ARHGAP10: variants seen among roughly 807,000 people sequenced by gnomAD.
The protein encoded by ARHGAP10 is rho GTPase-activating protein 10.
ARHGAP10 carries 87 observed loss-of-function variants against 108.6 expected under a neutral mutation model. The observed-to-expected ratio is 0.80, with a 90% CI of 0.67 to 0.96. The LOEUF is 0.96. ARHGAP10 is among the 40% of genes least tolerant of loss of function. The pLI, the probability that ARHGAP10 is intolerant of heterozygous loss-of-function variation, is 0.00. For missense variants in ARHGAP10, 939 were observed against 954.5 expected (o/e 0.98, Z 0.21); for synonymous variants, 347 against 341.1 (o/e 1.02, Z -0.19).
At chr4:148,019,777 C>A (rs906577377) in intron 18 of ARHGAP10, among the ~76,000 whole-genome samples, 30 of 149,078 alleles carry the variant, frequency 2.0e-4, no homozygotes, top group South Asian at 8.6e-4. Flanking sequence ...AAAAAAAAAA[C>A]AAAACAAAAA....
At chr4:147,866,473 A>G (rs1182260682) in intron 6 of ARHGAP10, 3 of 395,768 alleles carry the variant, frequency 7.6e-6, no homozygotes, top group Middle Eastern at 6.8e-4. Context: ...CCTGCAGAAC[A>G]TGCCATATAA....
intron 1 of ARHGAP10, among the ~76,000 whole-genome samples, chr4:147,737,068 C>G (rs1037929934): frequency 6.6e-6 from 1 of 152,120 alleles, no homozygotes; most frequent in Non-Finnish European, 1.5e-5. Context: ...CTTTGAATGT[C>G]TTGTTAAATG....
chr4:147,767,842 T>A (rs1180849159), intron 1 of ARHGAP10, among the ~76,000 whole-genome samples: 2 of 152,188 alleles, frequency 1.3e-5, no homozygotes, highest in Admixed American at 1.3e-4. Context: ...GGAGGACCAG[T>A]GAATAACATA....
At chr4:147,992,417 AT>A (rs1248014909) in intron 18 of ARHGAP10, among the ~76,000 whole-genome samples, 2 of 151,818 alleles carry the variant, frequency 1.3e-5, no homozygotes, top group African/African-American at 2.4e-5. Flanking sequence ...TTTAAATTTA[AT>A]TTTTTTTGTG....
At chr4:147,967,558 C>T (rs933206880) in intron 18 of ARHGAP10, among the ~76,000 whole-genome samples, 5 of 152,190 alleles carry the variant, frequency 3.3e-5, no homozygotes, top group Admixed American at 1.3e-4. Context: ...TCCCTCCCAC[C>T]ATACCCACTC....
chr4:148,051,392 G>A (rs1461056053), intron 20 of ARHGAP10, among the ~76,000 whole-genome samples: 1 of 152,210 alleles, frequency 6.6e-6, no homozygotes, highest in Non-Finnish European at 1.5e-5. Flanking sequence ...TTCTTCTATT[G>A]TAATTGATGG....
At position 148,072,776 on chromosome 4, in the gene ARHGAP10, A is replaced by G. The variant is rs1224836228; in HGVS notation, c.*695A>G. On this transcript the variant is annotated 3_prime_UTR_variant, in exon 23 of 23. Transcript: ENST00000336498. The stretch of plus-strand genomic sequence containing the variant: ...TAAATGAAATAAACTGTAATTTACT[A>G]TTTGATTTGTCTGTCCTAATGTGGG... 1 of 152,120 alleles carries G rather than the reference A, an allele frequency of 6.6e-6. No homozygotes were observed. The allele number at this position is 152,120 out of a possible 1,614,324, so 9.4% of individuals were successfully genotyped here.
At chr4:147,924,795 G>A (rs1737394643) in intron 13 of ARHGAP10, among the ~76,000 whole-genome samples, 1 of 152,162 alleles carries the variant, frequency 6.6e-6, no homozygotes, top group African/African-American at 2.4e-5. Context: ...ATAAGGATCA[G>A]ATCTCCTTCA....
chr4:148,057,202 G>C (rs751233359), intron 20 of ARHGAP10, among the ~76,000 whole-genome samples: 8 of 152,230 alleles, frequency 5.3e-5, no homozygotes, highest in Non-Finnish European at 1.2e-4. Flanking sequence ...AGCCAACAAT[G>C]ATAGTGCCAG....
intron 1 of ARHGAP10, among the ~76,000 whole-genome samples, chr4:147,767,281 T>C (rs1729873723): frequency 6.6e-6 from 1 of 152,138 alleles, no homozygotes; most frequent in African/African-American, 2.4e-5. Context: ...AGGACAAAGA[T>C]TGGTAAATAC....
chr4:147,879,842 A>C (rs1249809390), intron 9 of ARHGAP10, among the ~76,000 whole-genome samples: 1 of 152,164 alleles, frequency 6.6e-6, no homozygotes, highest in East Asian at 1.9e-4. Context: ...TTTTTATGCC[A>C]CTGTTTGGAA....
At chr4:147,897,561 T>C (rs978015963) in intron 10 of ARHGAP10, among the ~76,000 whole-genome samples, 1 of 152,306 alleles carries the variant, frequency 6.6e-6, no homozygotes, top group South Asian at 2.1e-4. Flanking sequence ...TGTCTCAGAG[T>C]ATAACATGCA....
At chr4:147,838,946 G>A (rs10461235) in intron 3 of ARHGAP10, among the ~76,000 whole-genome samples, 106,856 of 152,064 alleles carry the variant, frequency 0.7, 42,425 homozygotes, top group Non-Finnish European at 0.88. Flanking sequence ...GCTATTTTAG[G>A]CTAAGATTCC....
chr4:148,025,323 A>C (rs1196565192), intron 19 of ARHGAP10, among the ~76,000 whole-genome samples: 2 of 151,534 alleles, frequency 1.3e-5, no homozygotes, highest in Non-Finnish European at 2.9e-5. Flanking sequence ...GTATTTCATG[A>C]AGTATTTTAT....
At chr4:148,014,778 C>T (rs766846437) in intron 18 of ARHGAP10, among the ~76,000 whole-genome samples, 58 of 152,208 alleles carry the variant, frequency 3.8e-4, no homozygotes, top group South Asian at 2.9e-3. Context: ...CACTATTTAG[C>T]GTATAGAGTG....
intron 13 of ARHGAP10, among the ~76,000 whole-genome samples, chr4:147,931,822 A>G (rs1174075478): frequency 6.6e-6 from 1 of 152,266 alleles, no homozygotes; most frequent in African/African-American, 2.4e-5. Flanking sequence ...AAAAATTGAC[A>G]AATGGGATCT....
intron 20 of ARHGAP10, among the ~76,000 whole-genome samples, chr4:148,061,433 T>G (rs1434908795): frequency 1.3e-5 from 2 of 152,114 alleles, no homozygotes; most frequent in Non-Finnish European, 2.9e-5. Context: ...CCGTTCCTGA[T>G]TAGTAAGACA....
At chr4:147,866,926 T>G in intron 7 of ARHGAP10, 110 bp downstream of exon 7, 5 of 883,522 alleles carry the variant, frequency 5.7e-6, no homozygotes, top group Non-Finnish European at 8.6e-6. Flanking sequence ...CTGTTTGTAC[T>G]GAGAAACTGA....
chr4:147,744,444 T>G (rs1300261310), intron 1 of ARHGAP10, among the ~76,000 whole-genome samples: 1 of 151,722 alleles, frequency 6.6e-6, no homozygotes, highest in Non-Finnish European at 1.5e-5. Context: ...CTAAGGACAG[T>G]AGGAAGTGAT....
Sources: allele counts gnomAD v4.1 joint callset (sites outside exome capture counted in the v4.1 genomes callset), GRCh38; gene constraint gnomAD v4.1.1; transcripts MANE v1.5; gene names NCBI Gene and HGNC (gene_info 2026-07-23, HGNC 2026-07-21).